HPSE2: variants seen among roughly 807,000 people sequenced by gnomAD.
HPSE2 encodes the protein inactive heparanase-2.
Under a neutral mutation model 60.5 loss-of-function variants are expected in HPSE2, and 38 were observed. The ratio of observed to expected loss-of-function variants is 0.63; its 90% CI spans 0.48 to 0.82. HPSE2 has a LOEUF of 0.82. Ranked by LOEUF, HPSE2 falls within the 40% of genes least tolerant of loss-of-function variation. HPSE2 has a pLI of 0.00. For missense variants in HPSE2, 713 were observed against 740.4 expected (o/e 0.96, Z 0.43); for synonymous variants, 295 against 293.2 (o/e 1.01, Z -0.06).
intron 9 of HPSE2, among the ~76,000 whole-genome samples, chr10:98,570,121 C>G (rs1354020008): frequency 6.6e-6 from 1 of 152,210 alleles, no homozygotes; most frequent in Non-Finnish European, 1.5e-5. Context: ...TTCCTCCTGG[C>G]AGGTGGAATC....
At chr10:98,708,689 G>C (rs1332985983) in intron 5 of HPSE2, among the ~76,000 whole-genome samples, 1 of 152,088 alleles carries the variant, frequency 6.6e-6, no homozygotes, top group Non-Finnish European at 1.5e-5. Flanking sequence ...TCTACACTTA[G>C]TTTGAGGAGG....
chr10:99,170,047 C>T (rs1847249726), intron 2 of HPSE2, among the ~76,000 whole-genome samples: 1 of 152,092 alleles, frequency 6.6e-6, no homozygotes, highest in South Asian at 2.1e-4. Flanking sequence ...CAGGTGGTGG[C>T]AGAATTTGGT....
intron 3 of HPSE2, among the ~76,000 whole-genome samples, chr10:98,837,062 C>T (rs778190102): frequency 6.6e-6 from 1 of 151,952 alleles, no homozygotes; most frequent in Non-Finnish European, 1.5e-5. Flanking sequence ...AACAAACAAA[C>T]AAATAAATAA....
At chr10:99,077,776 CTT>C (rs150310860) in intron 3 of HPSE2, among the ~76,000 whole-genome samples, 1,660 of 151,826 alleles carry the variant, frequency 0.011, 33 homozygotes, top group African/African-American at 0.037. Context: ...GAAATTTTCA[CTT>C]TGTTAATACA....
intron 3 of HPSE2, among the ~76,000 whole-genome samples, chr10:99,002,330 G>A (rs938421848): frequency 6.6e-6 from 1 of 152,016 alleles, no homozygotes; most frequent in African/African-American, 2.4e-5. Flanking sequence ...TTTAAGTGTG[G>A]GCTGCACATA....
At chr10:99,071,747 G>A (rs1312450157) in intron 3 of HPSE2, among the ~76,000 whole-genome samples, 3 of 152,118 alleles carry the variant, frequency 2.0e-5, no homozygotes, top group African/African-American at 4.8e-5. Flanking sequence ...TTTTGTCCAC[G>A]TGTAAGAAAA....
At chr10:98,633,929 T>C (rs1299139483) in intron 7 of HPSE2, among the ~76,000 whole-genome samples, 2 of 152,220 alleles carry the variant, frequency 1.3e-5, no homozygotes, top group South Asian at 2.1e-4. Flanking sequence ...CATCCTAATG[T>C]AGAATGAAAG....
chr10:99,244,535 G>A, the HPSE2 span, among the ~76,000 whole-genome samples: 2 of 144,534 alleles, frequency 1.4e-5, no homozygotes, highest in Admixed American at 7.0e-5. Context: ...GCAGCCTTGT[G>A]TAGCTGAGAC....
the HPSE2 span, among the ~76,000 whole-genome samples, chr10:99,256,311 C>A: frequency 8.5e-6 from 1 of 117,720 alleles, no homozygotes; most frequent in Admixed American, 8.6e-5. Flanking sequence ...AAGGCTTGAG[C>A]CTGCAAGTTT....
chr10:98,708,149 A>G (rs1160585688), intron 5 of HPSE2, among the ~76,000 whole-genome samples: 4 of 152,128 alleles, frequency 2.6e-5, no homozygotes, highest in Non-Finnish European at 4.4e-5. Flanking sequence ...AATGTAGTTT[A>G]GTTTCATTAT....
intron 3 of HPSE2, among the ~76,000 whole-genome samples, chr10:98,749,377 T>C (rs1420073349): frequency 6.6e-6 from 1 of 151,776 alleles, no homozygotes; most frequent in Non-Finnish European, 1.5e-5. Flanking sequence ...TATATATCTA[T>C]ATATACAGAT....
rs1589707003 is a variant in HPSE2 at position 99,132,234 on chromosome 10, AGAG to A, written c.610+12001_610+12003del. On this transcript the variant is annotated intron_variant, in intron 3 of 11. Coordinates refer to ENST00000370552, the MANE Select transcript of HPSE2 (RefSeq NM_021828.5). ...GAGAGAGAGAGAGAGAGAGAGAGAG[AGAG>A]AGAGAGAAAGAAAGAAAGAAAGAAA... 1.2e-3 allele frequency among the ~76,000 whole-genome samples: 67 copies of A among 54,906 alleles called. 1 individual carries two copies. The highest frequency in any genetic ancestry group is 1.8e-3 in the South Asian group (2 of 1,102). The allele number at this position is 54,906 out of a possible 152,430, so 36.0% of individuals were successfully genotyped here. A position where few individuals can be genotyped will look rare whatever the true frequency, so the allele number is the denominator to read the frequency against.
chr10:99,306,459 C>A, the HPSE2 span, among the ~76,000 whole-genome samples: 2 of 149,824 alleles, frequency 1.3e-5, no homozygotes, highest in Admixed American at 1.3e-4. Flanking sequence ...CTCTCTCAAG[C>A]CATTTTGGGG....
At chr10:99,302,634 A>T in the HPSE2 span, among the ~76,000 whole-genome samples, 1 of 152,262 alleles carries the variant, frequency 6.6e-6, no homozygotes, top group African/African-American at 2.4e-5. Flanking sequence ...AGGAAGCAAC[A>T]AACTTTTTCC....
intron 3 of HPSE2, among the ~76,000 whole-genome samples, chr10:99,083,370 C>A (rs1190923563): frequency 6.6e-6 from 1 of 152,014 alleles, no homozygotes; most frequent in East Asian, 1.9e-4. Flanking sequence ...GGATTTCTGC[C>A]CAAAGGAAAA....
At chr10:98,997,206 G>A (rs1013697517) in intron 3 of HPSE2, among the ~76,000 whole-genome samples, 17 of 142,398 alleles carry the variant, frequency 1.2e-4, no homozygotes, top group African/African-American at 2.6e-4. Context: ...TCCGCCTCCC[G>A]GGTTCAAGTG....
chr10:98,466,275 A>G (rs1323694178), intron 11 of HPSE2, among the ~76,000 whole-genome samples: 2 of 152,176 alleles, frequency 1.3e-5, no homozygotes, highest in Non-Finnish European at 2.9e-5. Flanking sequence ...TCAGGCTGGC[A>G]TAGCATATTT....
chr10:98,902,836 C>T (rs764224444), intron 3 of HPSE2, among the ~76,000 whole-genome samples: 3 of 151,982 alleles, frequency 2.0e-5, no homozygotes, highest in Non-Finnish European at 4.4e-5. Flanking sequence ...AAAAATAAGA[C>T]AGATTAATGG....
At chr10:98,792,270 A>G (rs1950671405) in intron 3 of HPSE2, among the ~76,000 whole-genome samples, 1 of 152,156 alleles carries the variant, frequency 6.6e-6, no homozygotes, top group Admixed American at 6.5e-5. Context: ...TTTATCATCA[A>G]GGTGAAAATC....
Sources: allele counts gnomAD v4.1 joint callset (sites outside exome capture counted in the v4.1 genomes callset), GRCh38; gene constraint gnomAD v4.1.1; transcripts MANE v1.5; gene names NCBI Gene and HGNC (gene_info 2026-07-23, HGNC 2026-07-21).